SLC34A2: variants seen among roughly 807,000 people sequenced by gnomAD.
SLC34A2 encodes the protein sodium-dependent phosphate transport protein 2B.
A neutral mutation model predicts 50.8 loss-of-function variants in SLC34A2; 41 were observed. The ratio of observed to expected loss-of-function variants is 0.81; its 90% CI spans 0.63 to 1.05. The LOEUF (loss-of-function observed/expected upper bound fraction) is 1.05. Among genes scored for constraint, SLC34A2 ranks in the 50% least tolerant of loss-of-function variants. The pLI is 0.00. For synonymous variants in SLC34A2, 401 were observed against 364.2 expected (o/e 1.10, Z -1.15); for missense variants, 879 against 876.7 (o/e 1.00, Z -0.03).
chr4:25,662,416 C>T, intron 1 of SLC34A2, 82 bp from the exon 2 acceptor site: 3 of 1,294,824 alleles, frequency 2.3e-6, no homozygotes, highest in Non-Finnish European at 3.3e-6. Flanking sequence ...TGATGCTTTG[C>T]AACCAATGGT....
intron 4 of SLC34A2, 51 bp from the exon 5 acceptor site, chr4:25,666,077 C>T (rs1373408397): frequency 6.2e-7 from 1 of 1,605,082 alleles, no homozygotes; most frequent in East Asian, 2.2e-5. Context: ...CCCACCTAAT[C>T]CCCCTCGATC....
At chr4:25,659,763 G>A (rs970943275) in intron 1 of SLC34A2, among the ~76,000 whole-genome samples, 8 of 152,120 alleles carry the variant, frequency 5.3e-5, no homozygotes, top group East Asian at 1.9e-4. Flanking sequence ...ACTGTGATTC[G>A]CCTCTCTCCA....
chr4:25,670,616 C>T lies in SLC34A2; in HGVS notation c.832-122C>T, dbSNP rs1239821284. On this transcript the variant is annotated intron_variant, in intron 7 of 12. Coordinates refer to ENST00000382051, the MANE Select transcript of SLC34A2 (RefSeq NM_006424.3). Reference sequence around the variant, plus strand: ...GCAGATAGAGTGAGTCCCACTTTGCCTCTCTGGGGGCTCACAGTCACATTT... The same window carrying T: ...GCAGATAGAGTGAGTCCCACTTTGCTTCTCTGGGGGCTCACAGTCACATTT... The T allele has an allele frequency of 5.4e-6, 4 of 743,594 alleles. No homozygotes were observed. In the East Asian group the frequency reaches 1.1e-4, roughly 20 times the overall value. 46.1% of individuals were successfully genotyped at this position (743,594 alleles called of 1,614,324 possible).
intron 3 of SLC34A2, among the ~76,000 whole-genome samples, chr4:25,663,819 A>G (rs941548570): frequency 2.0e-5 from 3 of 152,184 alleles, no homozygotes; most frequent in Non-Finnish European, 2.9e-5. Flanking sequence ...TTGGAACGTG[A>G]CAGCCATTAT....
chr4:25,678,632 C>G lies in SLC34A2; in HGVS notation c.*1883C>G. ...CTGAGATCAAGCAATCCGCCCACCT[C>G]AGCCTCCCAAAGTGCTGAGATCACA... On this transcript the variant is annotated 3_prime_UTR_variant, in exon 13 of 13. Coordinates refer to ENST00000382051, the MANE Select transcript of SLC34A2 (RefSeq NM_006424.3). 3.0e-6 allele frequency: 1 copy of G among 331,224 alleles called. No individual in the cohort carries two copies. Among genetic ancestry groups the G allele is most frequent in the East Asian group, 5.2e-5 (1 of 19,082 alleles). The allele number at this position is 331,224 out of a possible 1,614,324, so 20.5% of individuals were successfully genotyped here. A position where few individuals can be genotyped will look rare whatever the true frequency, so the allele number is the denominator to read the frequency against.
At position 25,670,861 on chromosome 4, in the gene SLC34A2, G is replaced by A. The variant is rs186725988; in HGVS notation, c.927+28G>A. On this transcript the variant is annotated intron_variant, in intron 8 of 12. Coordinates refer to ENST00000382051, the MANE Select transcript of SLC34A2 (RefSeq NM_006424.3). ...ACGTTTCCAAGAATATTCCCGGGGCGGGGAGTGAACCTTTGCATCTGAACA... is the reference window on the plus strand; with the variant it reads ...ACGTTTCCAAGAATATTCCCGGGGCAGGGAGTGAACCTTTGCATCTGAACA... The A allele has an allele frequency of 2.5e-3, 3,888 of 1,555,704 alleles. 6 individuals carry two copies. Among genetic ancestry groups the A allele is most frequent in the Non-Finnish European group, 3.2e-3 (3,568 of 1,128,114 alleles).
At chr4:25,669,866 G>A (rs948526160) in intron 7 of SLC34A2, 24 bp downstream of exon 7, 2 of 1,598,012 alleles carry the variant, frequency 1.3e-6, no homozygotes, top group South Asian at 1.1e-5. Context: ...TTCAGAGAGA[G>A]AAGGAGACTA....
At chr4:25,675,347 A>G (rs1205237213) in intron 12 of SLC34A2, among the ~76,000 whole-genome samples, 1 of 152,124 alleles carries the variant, frequency 6.6e-6, no homozygotes, top group African/African-American at 2.4e-5. Flanking sequence ...TTGAATTCTT[A>G]TCTCACCATT....
chr4:25,675,677 A>G (rs962636123), intron 12 of SLC34A2, among the ~76,000 whole-genome samples: 1 of 152,238 alleles, frequency 6.6e-6, no homozygotes, highest in Non-Finnish European at 1.5e-5. Flanking sequence ...TGTGTATTTC[A>G]TACTTAAAGC....
intron 10 of SLC34A2, 116 bp downstream of exon 10, chr4:25,673,370 A>G: frequency 9.6e-7 from 1 of 1,039,148 alleles, no homozygotes; most frequent in Non-Finnish European, 1.5e-6. Flanking sequence ...CTCAGATTGG[A>G]TCAGCACCAG....
At chr4:25,672,157 A>C (rs566904930) in intron 9 of SLC34A2, among the ~76,000 whole-genome samples, 2 of 152,298 alleles carry the variant, frequency 1.3e-5, no homozygotes, top group East Asian at 3.9e-4. Context: ...CAACATGGTG[A>C]AACCCTGTTT....
chr4:25,672,836 C>T (rs10084927), intron 9 of SLC34A2, among the ~76,000 whole-genome samples: 25,746 of 151,940 alleles, frequency 0.17, 3,418 homozygotes, highest in African/African-American at 0.38. Context: ...TACCCCTGAA[C>T]AGTTGTGTGA....
At chr4:25,658,627 G>A (rs1287672634) in intron 1 of SLC34A2, among the ~76,000 whole-genome samples, 1 of 152,202 alleles carries the variant, frequency 6.6e-6, no homozygotes, top group Admixed American at 6.5e-5. Flanking sequence ...GCAGGAAGTG[G>A]AGCCAAGAGG....
intron 4 of SLC34A2, 123 bp downstream of exon 4, chr4:25,664,453 G>C: frequency 9.9e-7 from 1 of 1,005,894 alleles, no homozygotes; most frequent in Non-Finnish European, 1.6e-6. Context: ...GACTGGAACC[G>C]ACCTCAGATC....
At chr4:25,665,625 G>A (rs1714455977) in intron 4 of SLC34A2, among the ~76,000 whole-genome samples, 1 of 152,130 alleles carries the variant, frequency 6.6e-6, no homozygotes, top group Non-Finnish European at 1.5e-5. Flanking sequence ...ACACTCTTGA[G>A]AATAACTCTC....
chr4:25,662,004 C>G (rs1172512894), intron 1 of SLC34A2, among the ~76,000 whole-genome samples: 1 of 152,202 alleles, frequency 6.6e-6, no homozygotes, highest in Middle Eastern at 3.4e-3. Flanking sequence ...TCCCGAGTAG[C>G]TGGGACTATA....
intron 6 of SLC34A2, among the ~76,000 whole-genome samples, 188 bp from the exon 7 acceptor site, chr4:25,669,459 C>T (rs935185482): frequency 6.6e-6 from 1 of 152,086 alleles, no homozygotes; most frequent in African/African-American, 2.4e-5. Context: ...TTCATCTGGC[C>T]AATGGGAATA....
chr4:25,658,828 A>G (rs909458427), intron 1 of SLC34A2, among the ~76,000 whole-genome samples: 6 of 152,126 alleles, frequency 3.9e-5, no homozygotes, highest in African/African-American at 1.2e-4. Flanking sequence ...CGCCAGGGCT[A>G]TGGGGGTAGG....
At position 25,676,748 on chromosome 4, in the gene SLC34A2, AG is replaced by A; in HGVS notation, c.*3del. On this transcript the variant is annotated frameshift_variant and stop_lost, in exon 13 of 13. Transcript: ENST00000382051. LOFTEE classifies it high-confidence loss of function. ...TCAAAGACCGAATGCACGGCCTTGT[AG>A]GGGACGCCCCAGATTGTCAGGGATG... ...SDSKTECTAL[*>X] 6.2e-7 allele frequency: 1 copy of A among 1,614,124 alleles called. No individual in the cohort carries two copies. Among genetic ancestry groups the A allele is most frequent in the Non-Finnish European group, 8.5e-7 (1 of 1,180,032 alleles).
Sources: gnomAD v4.1 joint callset for allele counts (sites outside exome capture counted in the v4.1 genomes callset) on GRCh38, gnomAD v4.1.1 for gene constraint, MANE v1.5 for transcripts, NCBI Gene and HGNC (gene_info 2026-07-23, HGNC 2026-07-21) for gene names.